The following BEGAIN variants were observed in gnomAD, a reference collection of about 807,000 sequenced individuals.
BEGAIN encodes the protein brain-enriched guanylate kinase-associated protein.
In BEGAIN, 19 loss-of-function variants were observed where a neutral mutation model predicts 35.8. The ratio of observed to expected loss-of-function variants is 0.53; its 90% CI spans 0.37 to 0.78. The LOEUF is 0.78. Among genes scored for constraint, BEGAIN ranks in the 30% least tolerant of loss-of-function variants. The probability of loss-of-function intolerance (pLI) is 0.00; values close to 1 mark genes in which losing one functional copy is unlikely to be tolerated. For synonymous variants in BEGAIN, 462 were observed against 388.6 expected (o/e 1.19, Z -2.22); for missense variants, 795 against 853.6 (o/e 0.93, Z 0.85).
In BEGAIN at chr14:100,546,902, G is replaced by T. The variant is rs2032598200; in HGVS notation, c.72-240C>A. On this transcript the variant is annotated intron_variant, in intron 2 of 6. Coordinates refer to ENST00000554140, the MANE Select transcript of BEGAIN (RefSeq NM_001385089.1). ...ACCCTGAGCCAGTCTGGCCTGGGCG[G>T]TTCCTCAGACTCCACCAGTGTCCCT... The T allele has an allele frequency of 1.0e-5, 4 of 400,540 alleles. No individual in the cohort carries two copies. In the East Asian group the frequency reaches 1.6e-4, roughly 16 times the overall value. 24.8% of individuals were successfully genotyped at this position (400,540 alleles called of 1,614,324 possible).
intron 1 of BEGAIN, among the ~76,000 whole-genome samples, chr14:100,570,796 T>G (rs757289111): frequency 2.0e-5 from 3 of 152,094 alleles, no homozygotes; most frequent in Non-Finnish European, 4.4e-5. Context: ...ATTCAGCCAT[T>G]CATTGACCAC....
rs1222914342 is a variant in BEGAIN, at chr14:100,586,874, C to G, written c.42+375G>C. 6.6e-6 allele frequency among the ~76,000 whole-genome samples: 1 copy of G among 152,142 alleles called. No individual in the cohort carries two copies. The highest frequency in any genetic ancestry group is 2.4e-5 in the African/African-American group (1 of 41,466). ...AGGCGGGTCCAGGCCTGCCCGCACC[C>G]TCGCCACCCGCCCGGGACAGCGGCG... On this transcript the variant is annotated intron_variant, in intron 1 of 6. Transcript: ENST00000554140. This position sits in a 1 kb window ranked among gnomAD's most constrained non-coding sequence, Gnocchi z 4.9.
intron 2 of BEGAIN, chr14:100,550,618 G>C (rs981819625): frequency 1.2e-4 from 46 of 397,638 alleles, no homozygotes; most frequent in African/African-American, 8.4e-4. Context: ...GGCTGAGACC[G>C]AGAGAGATGG....
In BEGAIN at chr14:100,568,073, G is replaced by C. The variant is rs553906035; in HGVS notation, c.43-134C>G. 2,152 of 1,085,462 alleles carry C rather than the reference G, an allele frequency of 2.0e-3. 37 individuals carry two copies. In the African/African-American group the frequency reaches 0.033, roughly 17 times the overall value. The allele number at this position is 1,085,462 out of a possible 1,614,324, so 67.2% of individuals were successfully genotyped here. ...GTCCGTGGGAAGCCCGGCGCCGCGC[G>C]TCCCCAGCTTCCAGTCCCGGCCGCG... On this transcript the variant is annotated intron_variant, in intron 1 of 6. Coordinates refer to ENST00000554140, the MANE Select transcript of BEGAIN (RefSeq NM_001385089.1). This position sits in a 1 kb window ranked among gnomAD's most constrained non-coding sequence, Gnocchi z 7.5.
Position 100,567,773 on chromosome 14 carries a change from C to G in BEGAIN, c.71+138G>C. On this transcript the variant is annotated intron_variant, in intron 2 of 6. Transcript: ENST00000554140. The surrounding 1 kb of genome is among the most constrained non-coding windows in gnomAD (Gnocchi z 5.1). The stretch of plus-strand genomic sequence containing the variant: ...GCACACACGCACCACACACACGCAC[C>G]TGGCCCGCAGCCCCGCCGAGGCCGC... 1 of 835,206 alleles carries G rather than the reference C, an allele frequency of 1.2e-6. No homozygotes were observed. The highest frequency in any genetic ancestry group is 1.6e-6 in the Non-Finnish European group (1 of 611,626). 51.7% of individuals were successfully genotyped at this position (835,206 alleles called of 1,614,324 possible).
intron 3 of BEGAIN, chr14:100,545,357 G>GTTAT: frequency 7.9e-7 from 1 of 1,267,314 alleles, no homozygotes; most frequent in South Asian, 2.0e-5. Flanking sequence ...AAGAGACTCT[G>GTTAT]TCCCATCCAC....
In BEGAIN at chr14:100,568,323, GTT is replaced by G; in HGVS notation, c.43-386_43-385del. ...CCCCGCTGCTCCCCCCGCCCCGCCC[GTT>G]AACCCTTCCTGCCCCGCGCTCCCTC... On this transcript the variant is annotated intron_variant, in intron 1 of 6. Coordinates refer to ENST00000554140, the MANE Select transcript of BEGAIN (RefSeq NM_001385089.1). The surrounding 1 kb of genome is among the most constrained non-coding windows in gnomAD (Gnocchi z 7.5). The G allele has an allele frequency of 4.4e-6, 1 of 227,452 alleles. No individual in the cohort carries two copies. Among genetic ancestry groups the G allele is most frequent in the Non-Finnish European group, 8.1e-6 (1 of 123,916 alleles). 14.1% of individuals were successfully genotyped at this position (227,452 alleles called of 1,614,324 possible). A position where few individuals can be genotyped will look rare whatever the true frequency, so the allele number is the denominator to read the frequency against.
At chr14:100,540,609 A>T (rs1198540055) in intron 5 of BEGAIN, 30 bp from the exon 6 acceptor site, 1 of 1,550,054 alleles carries the variant, frequency 6.5e-7, no homozygotes, top group Admixed American at 1.8e-5. Context: ...GTTTGGCGCC[A>T]TTCACCCCAG....
Position 100,546,560 on chromosome 14 carries a change from C to G in BEGAIN, c.174G>C (p.Leu58=). ...ETEFDSTRHY[L]EIELRRAQEE... The stretch of plus-strand genomic sequence containing the variant: ...CCTGCGCGCGCCGCAGCTCGATCTC[C>G]AGGTAGTGGCGCGTGGAGTCGAACT... The change falls in exon 3 of 7, where the codon CTG becomes CTC. Residue 58 remains leucine, a synonymous_variant. Coordinates refer to ENST00000554140, the MANE Select transcript of BEGAIN (RefSeq NM_001385089.1). 6.3e-7 allele frequency: 1 copy of G among 1,587,872 alleles called. No individual in the cohort carries two copies. Among genetic ancestry groups the G allele is most frequent in the Non-Finnish European group, 8.5e-7 (1 of 1,171,036 alleles).
At position 100,538,677 on chromosome 14, in the gene BEGAIN, G is replaced by A; in HGVS notation, c.1131C>T (p.Ala377=). 1 of 1,552,090 alleles carries A rather than the reference G, an allele frequency of 6.4e-7. No homozygotes were observed. ...CTGGGGCCACTTCGGCCTCCAGCGG[G>A]GCCGCCACCGCGGCCGTGGCCTTGG... ...RFAKATAAVA[A]PLEAEVAPGF... Residue 377 remains alanine (A), a synonymous_variant, in exon 7 of 7, where the codon GCC becomes GCT. Transcript: ENST00000554140.
At chr14:100,587,121 C>A (rs2035461722) in intron 1 of BEGAIN, 128 bp downstream of exon 1, 1 of 150,710 alleles carries the variant, frequency 6.6e-6, no homozygotes, top group African/African-American at 2.4e-5. Context: ...GGGCGCAGCG[C>A]GGAGGGGAGC....
intron 1 of BEGAIN, among the ~76,000 whole-genome samples, chr14:100,581,993 C>T (rs1298855029): frequency 2.6e-5 from 4 of 152,242 alleles, no homozygotes; most frequent in Non-Finnish European, 5.9e-5. Context: ...CCCCGCTTCA[C>T]GGAGGAGGAA....
chr14:100,558,501 G>T lies in BEGAIN; in HGVS notation c.71+9410C>A, dbSNP rs919153685. Among the ~76,000 whole-genome samples the T allele has an allele frequency of 6.6e-6, 1 of 152,160 alleles. No individual in the cohort carries two copies. Among genetic ancestry groups the T allele is most frequent in the African/African-American group, 2.4e-5 (1 of 41,426 alleles). Reference sequence around the variant, plus strand: ...CCTTCCCTGGGTGCACTCACCAGTGGCAACCCTAGCCAGCAAATACCATCT... The same window carrying T: ...CCTTCCCTGGGTGCACTCACCAGTGTCAACCCTAGCCAGCAAATACCATCT... On this transcript the variant is annotated intron_variant, in intron 2 of 6. Transcript: ENST00000554140. The surrounding 1 kb of genome is among the most constrained non-coding windows in gnomAD (Gnocchi z 4.6).
At chr14:100,580,273 A>G (rs2035288323) in intron 1 of BEGAIN, among the ~76,000 whole-genome samples, 2 of 152,228 alleles carry the variant, frequency 1.3e-5, no homozygotes, top group Admixed American at 1.3e-4. Flanking sequence ...ACTGCACTCC[A>G]GCCTGGGTGA....
At chr14:100,557,015 C>T (rs1473634246) in intron 2 of BEGAIN, among the ~76,000 whole-genome samples, 1 of 152,168 alleles carries the variant, frequency 6.6e-6, no homozygotes, top group Non-Finnish European at 1.5e-5. Context: ...ACACACGAGT[C>T]AGGGCAGGCC....
intron 2 of BEGAIN, among the ~76,000 whole-genome samples, chr14:100,554,455 C>T (rs1456284848): frequency 6.6e-6 from 1 of 152,156 alleles, no homozygotes; most frequent in Non-Finnish European, 1.5e-5. Context: ...ATTGCTCCTC[C>T]TCCCTTCCAG....
In BEGAIN at chr14:100,537,867, CGGGGCAGGG is replaced by C; in HGVS notation, c.*93_*101del. On this transcript the variant is annotated 3_prime_UTR_variant, in exon 7 of 7. Transcript: ENST00000554140. ...GAGGAACAGACTCCTCGTTGTTGGCCGGGGCAGGGGAACAGCGGGGGCTGGGGAGAGGTG... is the reference window on the plus strand; with the variant it reads ...GAGGAACAGACTCCTCGTTGTTGGCCGAACAGCGGGGGCTGGGGAGAGGTG... 7.0e-7 allele frequency: 1 copy of C among 1,435,846 alleles called. No homozygotes were observed. Among genetic ancestry groups the C allele is most frequent in the Non-Finnish European group, 9.2e-7 (1 of 1,092,388 alleles). The allele number at this position is 1,435,846 out of a possible 1,614,324, so 88.9% of individuals were successfully genotyped here. A position where few individuals can be genotyped will look rare whatever the true frequency, so the allele number is the denominator to read the frequency against.
chr14:100,562,062 A>G (rs11845025), intron 2 of BEGAIN, among the ~76,000 whole-genome samples: 34,506 of 152,032 alleles, frequency 0.23, 4,803 homozygotes, highest in East Asian at 0.53. Context: ...AGTCCATAAG[A>G]CTTCCTCTAG....
chr14:100,543,433 C>T (rs1265775538), intron 5 of BEGAIN, among the ~76,000 whole-genome samples: 3 of 152,072 alleles, frequency 2.0e-5, no homozygotes, highest in Non-Finnish European at 4.4e-5. Flanking sequence ...GGGCCCATCT[C>T]ACAGGGTCCC....
Sources: gnomAD v4.1 joint callset for allele counts (sites outside exome capture counted in the v4.1 genomes callset) on GRCh38, gnomAD v4.1.1 for gene constraint, Gnocchi (gnomAD v3.1) non-coding constraint, MANE v1.5 for transcripts, NCBI Gene and HGNC (gene_info 2026-07-23, HGNC 2026-07-21) for gene names.